Variants in PTPRM observed in about 807,000 individuals in gnomAD.
PTPRM encodes protein tyrosine phosphatase receptor type M, also known as receptor-type tyrosine-protein phosphatase mu.
A neutral mutation model predicts 186.7 loss-of-function variants in PTPRM; 47 were observed. The ratio of observed to expected loss-of-function variants is 0.25; its 90% CI spans 0.20 to 0.32. The LOEUF (loss-of-function observed/expected upper bound fraction) is 0.32. PTPRM is among the 10% of genes least tolerant of loss of function. The pLI is 1.00. For missense variants in PTPRM, 1,494 were observed against 1,865.0 expected (o/e 0.80, Z 3.66); for synonymous variants, 668 against 674.9 (o/e 0.99, Z 0.16).
rs192305117 is a variant in PTPRM, at chr18:8,390,228, G to T, written c.4208+2993G>T. ...GCAACGCAGCACTGCAGTGGGTGGGGAAGACTGCCTGGACACGTTGGTCTC... is the reference window on the plus strand; with the variant it reads ...GCAACGCAGCACTGCAGTGGGTGGGTAAGACTGCCTGGACACGTTGGTCTC... On this transcript the variant is annotated intron_variant, in intron 31 of 32. Transcript: ENST00000580170. Among the ~76,000 whole-genome samples, 174 of 152,324 alleles carry T rather than the reference G, an allele frequency of 1.1e-3. 1 individual carries two copies. The highest frequency in any genetic ancestry group is 4.0e-3 in the African/African-American group (168 of 41,572).
At chr18:8,156,764 A>G (rs576351144) in intron 14 of PTPRM, among the ~76,000 whole-genome samples, 1 of 152,336 alleles carries the variant, frequency 6.6e-6, no homozygotes, top group African/African-American at 2.4e-5. Context: ...CTTTAAGTCT[A>G]TAAATATTTG....
intron 14 of PTPRM, among the ~76,000 whole-genome samples, chr18:8,178,015 G>C (rs1601028770): frequency 1.3e-5 from 2 of 152,276 alleles, no homozygotes; most frequent in South Asian, 4.1e-4. Context: ...TCATATACCA[G>C]TTAAACTCTG....
chr18:7,830,378 A>G (rs1420565129), intron 2 of PTPRM, among the ~76,000 whole-genome samples: 1 of 152,206 alleles, frequency 6.6e-6, no homozygotes, highest in East Asian at 1.9e-4. Flanking sequence ...ACAGACATGC[A>G]CCACTTAACA....
At chr18:7,894,617 A>G (rs2049259482) in intron 3 of PTPRM, among the ~76,000 whole-genome samples, 3 of 151,628 alleles carry the variant, frequency 2.0e-5, no homozygotes, top group Admixed American at 2.0e-4. Flanking sequence ...ATATTTTTTA[A>G]TATTTTTTTT....
At chr18:8,056,297 A>G (rs909614158) in intron 7 of PTPRM, among the ~76,000 whole-genome samples, 1 of 152,176 alleles carries the variant, frequency 6.6e-6, no homozygotes, top group Non-Finnish European at 1.5e-5. Flanking sequence ...GTAAATCTCT[A>G]TTTGAAATAC....
intron 2 of PTPRM, among the ~76,000 whole-genome samples, chr18:7,876,490 G>A (rs2048252131): frequency 6.6e-6 from 1 of 152,122 alleles, no homozygotes; most frequent in African/African-American, 2.4e-5. Flanking sequence ...TCAGCAGTTG[G>A]GGCTGGGCTC....
intron 1 of PTPRM, among the ~76,000 whole-genome samples, chr18:7,618,239 A>T (rs1197679356): frequency 6.6e-6 from 1 of 152,218 alleles, no homozygotes; most frequent in African/African-American, 2.4e-5. Context: ...ACACTAAGAT[A>T]AAGAAAATGT....
intron 19 of PTPRM, among the ~76,000 whole-genome samples, chr18:8,275,807 T>A (rs560897925): frequency 6.6e-6 from 1 of 152,324 alleles, no homozygotes; most frequent in East Asian, 1.9e-4. Flanking sequence ...TCACTGCCAG[T>A]GTCTCTGATC....
At chr18:8,241,121 A>C (rs538755693) in intron 14 of PTPRM, among the ~76,000 whole-genome samples, 2 of 152,312 alleles carry the variant, frequency 1.3e-5, no homozygotes, top group African/African-American at 4.8e-5. Flanking sequence ...TGAGGTCAGG[A>C]GTTTGAGACG....
At chr18:8,040,625 T>C (rs150730701) in intron 7 of PTPRM, among the ~76,000 whole-genome samples, 61 of 152,336 alleles carry the variant, frequency 4.0e-4, no homozygotes, top group African/African-American at 1.4e-3. Flanking sequence ...CTCAAGTTTT[T>C]AAATTTTCAC....
chr18:7,604,006 A>G (rs2037469566), intron 1 of PTPRM, among the ~76,000 whole-genome samples: 1 of 152,236 alleles, frequency 6.6e-6, no homozygotes, highest in Non-Finnish European at 1.5e-5. Context: ...AATTATTTAT[A>G]AAATCATCAC....
chr18:8,355,477 AGGCCTTGTCAT>A (rs2095558667), intron 23 of PTPRM, among the ~76,000 whole-genome samples: 1 of 152,124 alleles, frequency 6.6e-6, no homozygotes, highest in South Asian at 2.1e-4. Context: ...GGGAGAACTG[AGGCCTTGTCAT>A]GGATATACCA....
chr18:7,933,820 A>G (rs1310239158), intron 5 of PTPRM, among the ~76,000 whole-genome samples: 2 of 152,222 alleles, frequency 1.3e-5, no homozygotes, highest in East Asian at 3.8e-4. Flanking sequence ...GGAGCAATTC[A>G]TAGAATGTAG....
intron 32 of PTPRM, chr18:8,403,543 A>G (rs2095883932): frequency 6.6e-6 from 1 of 152,200 alleles, no homozygotes; most frequent in South Asian, 2.1e-4. Flanking sequence ...CATGTGTAAT[A>G]CCCATGTAAT....
chr18:7,921,854 C>A (rs1376473516), intron 4 of PTPRM, among the ~76,000 whole-genome samples: 1 of 152,066 alleles, frequency 6.6e-6, no homozygotes, highest in Non-Finnish European at 1.5e-5. Context: ...TTACATATCA[C>A]CATCTTGTTC....
intron 1 of PTPRM, among the ~76,000 whole-genome samples, chr18:7,662,652 C>A (rs1417204984): frequency 6.6e-6 from 1 of 151,848 alleles, no homozygotes; most frequent in Non-Finnish European, 1.5e-5. Context: ...TTTGATAACA[C>A]AACAGTGTGA....
chr18:7,810,294 C>T (rs2044442268), intron 2 of PTPRM, among the ~76,000 whole-genome samples: 1 of 152,100 alleles, frequency 6.6e-6, no homozygotes, highest in Non-Finnish European at 1.5e-5. Flanking sequence ...TGAATTTTCC[C>T]CTGGTAGCGT....
intron 7 of PTPRM, among the ~76,000 whole-genome samples, chr18:8,066,237 G>T (rs1600365361): frequency 6.6e-6 from 1 of 152,226 alleles, no homozygotes; most frequent in Admixed American, 6.5e-5. Flanking sequence ...AGAATTGTCA[G>T]ATTTCCTTAG....
chr18:7,775,077 A>G (rs1214277075), intron 2 of PTPRM, among the ~76,000 whole-genome samples: 3 of 152,344 alleles, frequency 2.0e-5, no homozygotes, highest in South Asian at 4.1e-4. Flanking sequence ...AGAGTTTTTC[A>G]TTAATGCTCC....
Sources: gnomAD v4.1 joint callset for allele counts (sites outside exome capture counted in the v4.1 genomes callset) on GRCh38, gnomAD v4.1.1 for gene constraint, MANE v1.5 for transcripts, NCBI Gene and HGNC (gene_info 2026-07-23, HGNC 2026-07-21) for gene names.